The following SYNCRIP variants were observed in gnomAD, a reference collection of about 807,000 sequenced individuals.
The protein encoded by SYNCRIP is synaptotagmin binding cytoplasmic RNA interacting protein, also known as heterogeneous nuclear ribonucleoprotein Q.
Under a neutral mutation model 68.9 loss-of-function variants are expected in SYNCRIP, and 9 were observed. That is an observed-to-expected ratio of 0.13 (90% CI 0.08 to 0.23). The LOEUF is 0.23. Among genes scored for constraint, SYNCRIP ranks in the 10% least tolerant of loss-of-function variants. The pLI is 1.00. For synonymous variants in SYNCRIP, 258 were observed against 254.0 expected (o/e 1.02, Z -0.15); for missense variants, 414 against 770.6 (o/e 0.54, Z 5.48).
downstream of SYNCRIP, chr6:85,611,875 T>A (rs1805276000): frequency 6.6e-6 from 1 of 152,602 alleles, no homozygotes; most frequent in Admixed American, 6.5e-5. Flanking sequence ...AACTTCAAAA[T>A]ATCCAAATGT....
chr6:85,641,934 T>C (rs1177016710), intron 1 of SYNCRIP, among the ~76,000 whole-genome samples: 3 of 152,046 alleles, frequency 2.0e-5, no homozygotes, highest in South Asian at 2.1e-4. Flanking sequence ...TCTCCACCCT[T>C]TAACCCCGCA....
chr6:85,616,505 GTA>G (rs1029509516), intron 10 of SYNCRIP, among the ~76,000 whole-genome samples: 1 of 152,004 alleles, frequency 6.6e-6, no homozygotes, highest in African/African-American at 2.4e-5. Flanking sequence ...TTTATTTTTA[GTA>G]GAGATGGGGT....
chr6:85,608,887 G>C (rs1344728875), exon 12 of SYNCRIP: 2 of 151,910 alleles, frequency 1.3e-5, no homozygotes, highest in Non-Finnish European at 2.9e-5. Flanking sequence ...CTTTTAAAAA[G>C]TGACAGACCC....
chr6:85,615,586 C>A (rs890270396), intron 10 of SYNCRIP, among the ~76,000 whole-genome samples: 1 of 152,198 alleles, frequency 6.6e-6, no homozygotes, highest in Admixed American at 6.5e-5. Context: ...TTTATTTCTT[C>A]ATGATCTTCA....
intron 7 of SYNCRIP, 136 bp from the exon 8 acceptor site, chr6:85,622,823 A>G: frequency 2.8e-6 from 2 of 703,270 alleles, no homozygotes; most frequent in East Asian, 2.7e-5. Flanking sequence ...CATCTTTATA[A>G]AAGACTATCA....
At chr6:85,623,579 A>AAAAAAAAAAAAC (rs1554184894) in intron 7 of SYNCRIP, among the ~76,000 whole-genome samples, 1 of 125,758 alleles carries the variant, frequency 8.0e-6, no homozygotes, top group Non-Finnish European at 1.8e-5. Flanking sequence ...AAAAAAAAAA[A>AAAAAAAAAAAAC]AAAACACTCT....
At chr6:85,634,632 TG>T (rs1166505354) in intron 6 of SYNCRIP, among the ~76,000 whole-genome samples, 4 of 152,104 alleles carry the variant, frequency 2.6e-5, no homozygotes, top group Non-Finnish European at 5.9e-5. Flanking sequence ...CTCAGCTAGC[TG>T]AAACTGTGAA....
intron 2 of SYNCRIP, among the ~76,000 whole-genome samples, 183 bp downstream of exon 2, chr6:85,641,109 C>T (rs1483837705): frequency 6.6e-6 from 1 of 152,164 alleles, no homozygotes; most frequent in Non-Finnish European, 1.5e-5. Flanking sequence ...TCCTAACCTT[C>T]TCTTCTTCCC....
chr6:85,608,208 G>T (rs1020423925), downstream of SYNCRIP: 1 of 152,046 alleles, frequency 6.6e-6, no homozygotes, highest in African/African-American at 2.4e-5. Flanking sequence ...TACTTCGAAT[G>T]TATGGATAAT....
At chr6:85,618,080 T>C (rs1805977231) in intron 10 of SYNCRIP, among the ~76,000 whole-genome samples, 1 of 152,182 alleles carries the variant, frequency 6.6e-6, no homozygotes, top group African/African-American at 2.4e-5. Flanking sequence ...ATTTTTGGGG[T>C]GGCAATGAGC....
upstream of SYNCRIP, chr6:85,643,413 G>C (rs1238880907): frequency 6.6e-6 from 1 of 152,286 alleles, no homozygotes; most frequent in East Asian, 2.0e-4. Context: ...TCACCCCTTG[G>C]GTTGGGGGTG....
intron 1 of SYNCRIP, 46 bp from the exon 2 acceptor site, chr6:85,641,497 A>T: frequency 6.4e-7 from 1 of 1,560,446 alleles, no homozygotes; most frequent in Non-Finnish European, 8.7e-7. Flanking sequence ...CTTCAAAAAG[A>T]ATACAAGACA....
In SYNCRIP at chr6:85,619,263, T is replaced by C. The variant is rs1562080597; in HGVS notation, c.1158+5A>G. 3 of 1,613,290 alleles carry C rather than the reference T, an allele frequency of 1.9e-6. No individual in the cohort carries two copies. Among genetic ancestry groups the C allele is most frequent in the Middle Eastern group, 3.3e-4 (2 of 6,078 alleles). On this transcript the variant is annotated splice_donor_5th_base_variant and intron_variant, in intron 9 of 10. Transcript: ENST00000369622. ...TTTAGATGCCTGTAATTCCACCATA[T>C]TTACCTTGACAGCACCATCTCGCTC...
intron 10 of SYNCRIP, among the ~76,000 whole-genome samples, chr6:85,616,019 C>G (rs1241876698): frequency 6.6e-6 from 1 of 152,184 alleles, no homozygotes; most frequent in Admixed American, 6.5e-5. Flanking sequence ...TTTAAAAGAT[C>G]TGCTACTTTC....
At position 85,614,387 on chromosome 6, in the gene SYNCRIP, A is replaced by G; in HGVS notation, c.*369T>C. ...TGGTAACATACAAAGTTATTCTGATACAAGATATTAAAGACACACTTGGTT... is the reference window on the plus strand; with the variant it reads ...TGGTAACATACAAAGTTATTCTGATGCAAGATATTAAAGACACACTTGGTT... On this transcript the variant is annotated 3_prime_UTR_variant, in exon 11 of 11. Transcript: ENST00000369622. 1 of 998,406 alleles carries G rather than the reference A, an allele frequency of 1.0e-6. No individual in the cohort carries two copies. Among genetic ancestry groups the G allele is most frequent in the Non-Finnish European group, 1.2e-6 (1 of 838,870 alleles). The allele number at this position is 998,406 out of a possible 1,614,324, so 61.8% of individuals were successfully genotyped here. A position where few individuals can be genotyped will look rare whatever the true frequency, so the allele number is the denominator to read the frequency against.
intron 7 of SYNCRIP, among the ~76,000 whole-genome samples, chr6:85,623,582 A>C (rs1269333616): frequency 6.6e-6 from 1 of 151,150 alleles, no homozygotes; most frequent in Admixed American, 6.6e-5. Flanking sequence ...AAAAAAAAAA[A>C]ACACTCTGCT....
At chr6:85,616,880 A>G (rs372783238) in intron 10 of SYNCRIP, among the ~76,000 whole-genome samples, 1 of 152,152 alleles carries the variant, frequency 6.6e-6, no homozygotes, top group South Asian at 2.1e-4. Context: ...AGGGGGTGCT[A>G]CTGGCATCTA....
Position 85,615,339 on chromosome 6 carries a change from T to C in SYNCRIP, c.1289A>G (p.Asp430Gly). ...RQAAKNQMYD[D>G]YYYYGPPHMP... ...ATGAGGTGGACCATAATAGTAGTAATCGTCATACCTATTAAAAAAGAGACA... is the reference window on the plus strand; with the variant it reads ...ATGAGGTGGACCATAATAGTAGTAACCGTCATACCTATTAAAAAAGAGACA... Residue 430 changes from aspartate (D) to glycine (G), a missense_variant, in exon 11 of 11, where the codon GAT (aspartate) becomes GGT (glycine). Transcript: ENST00000369622. 1.3e-6 allele frequency: 2 copies of C among 1,482,670 alleles called. No homozygotes were observed. The highest frequency in any genetic ancestry group is 9.0e-7 in the Non-Finnish European group (1 of 1,113,334). 91.8% of individuals were successfully genotyped at this position (1,482,670 alleles called of 1,614,324 possible).
chr6:85,631,894 A>G (rs971687908), intron 6 of SYNCRIP, among the ~76,000 whole-genome samples: 2 of 152,244 alleles, frequency 1.3e-5, no homozygotes, highest in African/African-American at 4.8e-5. Context: ...GTGATAACGT[A>G]GCATCTAACA....
Sources: allele counts gnomAD v4.1 joint callset (sites outside exome capture counted in the v4.1 genomes callset), GRCh38; gene constraint gnomAD v4.1.1; transcripts MANE v1.5; gene names NCBI Gene and HGNC (gene_info 2026-07-23, HGNC 2026-07-21).